Variants in NEGR1 observed in about 807,000 individuals in gnomAD.
The protein encoded by NEGR1 is neuronal growth regulator 1.
Under a neutral mutation model 40.9 loss-of-function variants are expected in NEGR1, and 10 were observed. That is an observed-to-expected ratio of 0.24 (90% CI 0.15 to 0.42). The LOEUF is 0.42. Among genes scored for constraint, NEGR1 ranks in the 10% least tolerant of loss-of-function variants. The pLI, the probability that NEGR1 is intolerant of heterozygous loss-of-function variation, is 1.00. For synonymous variants in NEGR1, 185 were observed against 166.8 expected (o/e 1.11, Z -0.84); for missense variants, 352 against 438.9 (o/e 0.80, Z 1.77).
intron 6 of NEGR1, among the ~76,000 whole-genome samples, chr1:71,539,170 A>C (rs1329916265): frequency 6.6e-6 from 1 of 151,766 alleles, no homozygotes; most frequent in Non-Finnish European, 1.5e-5. Context: ...CATTGTAGTG[A>C]GGTTAAATGA....
chr1:71,880,597 A>G (rs566545324), intron 2 of NEGR1, among the ~76,000 whole-genome samples: 1 of 152,174 alleles, frequency 6.6e-6, no homozygotes, highest in East Asian at 1.9e-4. Flanking sequence ...ACTTCAACAT[A>G]GATAGAAAAC....
intron 1 of NEGR1, among the ~76,000 whole-genome samples, chr1:72,216,878 T>C (rs1182998109): frequency 2.0e-5 from 3 of 151,562 alleles, no homozygotes; most frequent in Non-Finnish European, 3.0e-5. Flanking sequence ...TAAAGTGCTA[T>C]AAAAATATTA....
chr1:71,692,870 T>C (rs537366616), intron 4 of NEGR1, among the ~76,000 whole-genome samples: 2 of 151,962 alleles, frequency 1.3e-5, no homozygotes, highest in African/African-American at 4.8e-5. Flanking sequence ...ATTTATTTGA[T>C]CATAGGAAGA....
At chr1:71,804,646 A>T (rs890242621) in intron 2 of NEGR1, among the ~76,000 whole-genome samples, 2 of 152,212 alleles carry the variant, frequency 1.3e-5, no homozygotes, top group East Asian at 3.8e-4. Flanking sequence ...TTCCCCAGTC[A>T]ATACCCTTGT....
intron 2 of NEGR1, among the ~76,000 whole-genome samples, chr1:71,791,341 G>A (rs1388601060): frequency 6.6e-6 from 1 of 151,678 alleles, no homozygotes; most frequent in Non-Finnish European, 1.5e-5. Flanking sequence ...TGTTATCTTG[G>A]GTTACTTACA....
chr1:71,894,495 C>T (rs1660909011), intron 2 of NEGR1, among the ~76,000 whole-genome samples: 1 of 152,116 alleles, frequency 6.6e-6, no homozygotes, highest in Non-Finnish European at 1.5e-5. Context: ...ATCACTTCCT[C>T]TTAAAACAAC....
chr1:71,448,534 G>A (rs1287239293), intron 6 of NEGR1, among the ~76,000 whole-genome samples: 1 of 152,196 alleles, frequency 6.6e-6, no homozygotes, highest in Non-Finnish European at 1.5e-5. Flanking sequence ...AGGAGGTGGA[G>A]GTTGCAATGA....
chr1:71,806,790 C>T (rs921939837), intron 2 of NEGR1, among the ~76,000 whole-genome samples: 1 of 151,806 alleles, frequency 6.6e-6, no homozygotes, highest in Admixed American at 6.6e-5. Context: ...TCAGACTTAT[C>T]TGAAATGAAA....
chr1:71,944,566 TAAG>T (rs1456306451), intron 1 of NEGR1, among the ~76,000 whole-genome samples: 5 of 149,928 alleles, frequency 3.3e-5, no homozygotes, highest in African/African-American at 9.8e-5. Flanking sequence ...GATTATAAAA[TAAG>T]AAACATAACA....
intron 4 of NEGR1, among the ~76,000 whole-genome samples, chr1:71,658,802 G>T (rs888274897): frequency 5.3e-5 from 8 of 152,124 alleles, no homozygotes; most frequent in African/African-American, 1.9e-4. Context: ...AGAATTTTTA[G>T]AATTTCTTAG....
chr1:72,166,995 G>A (rs1246198935), intron 1 of NEGR1, among the ~76,000 whole-genome samples: 1 of 152,042 alleles, frequency 6.6e-6, no homozygotes, highest in African/African-American at 2.4e-5. Flanking sequence ...GCCAGTAGTG[G>A]TCAAGTGAAA....
chr1:71,875,340 C>T (rs1316208380), intron 2 of NEGR1, among the ~76,000 whole-genome samples: 1 of 152,138 alleles, frequency 6.6e-6, no homozygotes, highest in Non-Finnish European at 1.5e-5. Context: ...AAGTAGGTCT[C>T]TGATTAATAC....
intron 1 of NEGR1, among the ~76,000 whole-genome samples, chr1:72,089,981 A>T (rs1205179376): frequency 6.6e-6 from 1 of 152,150 alleles, no homozygotes; most frequent in Non-Finnish European, 1.5e-5. Flanking sequence ...ATGGAAATAA[A>T]GATTGGAAGT....
At chr1:71,730,569 TTATATATATA>T (rs56382019) in intron 3 of NEGR1, among the ~76,000 whole-genome samples, 2 of 134,726 alleles carry the variant, frequency 1.5e-5, no homozygotes, top group African/African-American at 5.5e-5. Context: ...TAGTATAAAT[TTATATATATA>T]TATATATATA....
chr1:71,851,334 C>T (rs1371523182), intron 2 of NEGR1, among the ~76,000 whole-genome samples: 2 of 151,984 alleles, frequency 1.3e-5, no homozygotes, highest in African/African-American at 4.8e-5. Flanking sequence ...AAATAATTTA[C>T]TGAACAGTTT....
chr1:72,104,290 C>T (rs908306012), intron 1 of NEGR1, among the ~76,000 whole-genome samples: 1 of 152,102 alleles, frequency 6.6e-6, no homozygotes, highest in Non-Finnish European at 1.5e-5. Context: ...CTTGGATTAT[C>T]TGGTTGGGCC....
intron 6 of NEGR1, among the ~76,000 whole-genome samples, chr1:71,526,534 C>T (rs984844459): frequency 3.3e-5 from 5 of 151,440 alleles, no homozygotes; most frequent in African/African-American, 1.2e-4. Context: ...TGGTACCCCA[C>T]CACCCACAGA....
chr1:71,589,111 A>T (rs1045546932), intron 6 of NEGR1, among the ~76,000 whole-genome samples: 1 of 152,168 alleles, frequency 6.6e-6, no homozygotes. Flanking sequence ...GGCAAAGGTC[A>T]CCAGTAACTA....
rs1553161610 is a variant in NEGR1 at position 71,730,569 on chromosome 1, T to TATATATATA, written c.536-32431_536-32430insTATATATAT. Among the ~76,000 whole-genome samples the TATATATATA allele has an allele frequency of 7.5e-3, 1,005 of 134,672 alleles. 13 individuals are homozygous for TATATATATA. The highest frequency in any genetic ancestry group is 0.021 in the Admixed American group (282 of 13,320). 88.4% of individuals were successfully genotyped at this position (134,672 alleles called of 152,430 possible). A position where few individuals can be genotyped will look rare whatever the true frequency, so the allele number is the denominator to read the frequency against. The stretch of plus-strand genomic sequence containing the variant: ...TTATATGTGTATATATAGTATAAAT[T>TATATATATA]TATATATATATATATATATATATAA... On this transcript the variant is annotated intron_variant, in intron 3 of 6. Coordinates refer to ENST00000357731, the MANE Select transcript of NEGR1 (RefSeq NM_173808.3).
Sources: gnomAD v4.1 joint callset for allele counts (sites outside exome capture counted in the v4.1 genomes callset) on GRCh38, gnomAD v4.1.1 for gene constraint, MANE v1.5 for transcripts, NCBI Gene and HGNC (gene_info 2026-07-23, HGNC 2026-07-21) for gene names.